The following MARF1 variants were observed in gnomAD, a reference collection of about 807,000 sequenced individuals.
The protein encoded by MARF1 is meiosis regulator and mRNA stability factor 1.
MARF1 carries 24 observed loss-of-function variants against 168.2 expected under a neutral mutation model. That is an observed-to-expected ratio of 0.14 (90% CI 0.10 to 0.20). The LOEUF (loss-of-function observed/expected upper bound fraction) is 0.20. MARF1 is among the 10% of genes least tolerant of loss of function. MARF1 has a pLI of 1.00. For synonymous variants in MARF1, 868 were observed against 822.4 expected, an observed-to-expected ratio of 1.06 and a Z score of -0.95; for missense variants, 1,744 against 2,143.6, an observed-to-expected ratio of 0.81 and a Z score of 3.68.
intron 11 of MARF1, 91 bp from the exon 12 acceptor site, chr16:15,622,002 T>C: frequency 8.4e-7 from 1 of 1,187,982 alleles, no homozygotes; most frequent in Non-Finnish European, 1.2e-6. Flanking sequence ...AACACATTTG[T>C]CGACTGCAGC....
At chr16:15,604,106 A>C in intron 22 of MARF1, 62 bp downstream of exon 22, 17 of 1,223,232 alleles carry the variant, frequency 1.4e-5, no homozygotes, top group African/African-American at 3.0e-5. Flanking sequence ...CCATCAGGTA[A>C]TCCGGAAATG....
At chr16:15,614,208 T>C (rs929148815) in intron 16 of MARF1, among the ~76,000 whole-genome samples, 31 of 151,912 alleles carry the variant, frequency 2.0e-4, no homozygotes, top group Admixed American at 1.2e-3. Context: ...TTCGGCCAGG[T>C]GCGGTGGCTC....
intron 7 of MARF1, among the ~76,000 whole-genome samples, chr16:15,628,373 T>A (rs1369508287): frequency 6.6e-6 from 1 of 152,092 alleles, no homozygotes; most frequent in African/African-American, 2.4e-5. Context: ...GTTTTGTTTG[T>A]TTTTACAATG....
intron 2 of MARF1, among the ~76,000 whole-genome samples, chr16:15,638,641 T>C (rs1385724362): frequency 6.6e-6 from 1 of 151,128 alleles, no homozygotes; most frequent in Non-Finnish European, 1.5e-5. Flanking sequence ...GTTAGAGACA[T>C]AAATGTATAC....
intron 23 of MARF1, chr16:15,600,915 A>G (rs2032356355): frequency 2.8e-6 from 2 of 702,630 alleles, no homozygotes; most frequent in Admixed American, 2.0e-5. Flanking sequence ...TAGTTCAAAA[A>G]TCATGAGACA....
rs1427557099 is a variant in MARF1, at chr16:15,639,135, A to G, written c.99T>C (p.Asn33=). The change falls in exon 2 of 27, where the codon AAT becomes AAC. Residue 33 remains asparagine, a synonymous_variant. Coordinates refer to ENST00000396368, the MANE Select transcript of MARF1 (RefSeq NM_014647.4). ...GCGTCTGCTCAGGACGAGAAAAGCA[A>G]TTAGAGAATTTCCAAAGCCATGGCT... ...DAKPWLWKFS[N]CFSRPEQTLP... 3.7e-6 allele frequency: 6 copies of G among 1,614,102 alleles called. No individual in the cohort carries two copies. Among genetic ancestry groups the G allele is most frequent in the Non-Finnish European group, 5.1e-6 (6 of 1,180,042 alleles).
At position 15,633,601 on chromosome 16, in the gene MARF1, A is replaced by C. The variant is rs761915227; in HGVS notation, c.1233+16T>G. The C allele has an allele frequency of 7.0e-7, 1 of 1,420,472 alleles. No individual in the cohort carries two copies. The allele number at this position is 1,420,472 out of a possible 1,614,324, so 88.0% of individuals were successfully genotyped here. On this transcript the variant is annotated intron_variant, in intron 5 of 26. Transcript: ENST00000396368. ...CCTCTACTGTAGATTAAAATTATTAAATTTTTTTTTTTTACCTGGCAATTA... is the reference window on the plus strand; with the variant it reads ...CCTCTACTGTAGATTAAAATTATTACATTTTTTTTTTTTACCTGGCAATTA...
intron 7 of MARF1, 148 bp downstream of exon 7, chr16:15,630,184 G>A (rs1049568560): frequency 7.7e-5 from 42 of 548,662 alleles, no homozygotes; most frequent in Non-Finnish European, 1.1e-4. Flanking sequence ...GAGAAGAACC[G>A]AAGGTTTCTA....
intron 21 of MARF1, among the ~76,000 whole-genome samples, chr16:15,606,845 T>C (rs1225137627): frequency 6.6e-6 from 1 of 152,136 alleles, no homozygotes; most frequent in East Asian, 1.9e-4. Context: ...AAATCCTCCC[T>C]TGCTCCCTCA....
In MARF1 at chr16:15,604,176, A is replaced by C; in HGVS notation, c.4405T>G (p.Leu1469Val). The change falls in exon 22 of 27, where the codon TTG (leucine) becomes GTG (valine). Residue 1469 changes from leucine (L) to valine (V), a missense_variant. Transcript: ENST00000396368. ...GCCATTAACGTGCCTACCTCAACCA[A>C]GTATGGCAGGCTCTTCAGCAGTTCG... ...LTELLKSLPY[L>V]VEVFTNDKME... 6.2e-7 allele frequency: 1 copy of C among 1,612,382 alleles called. No individual in the cohort carries two copies. The highest frequency in any genetic ancestry group is 8.5e-7 in the Non-Finnish European group (1 of 1,178,406).
In MARF1 at chr16:15,602,186, C is replaced by T. The variant is rs2032506607; in HGVS notation, c.4431G>A (p.Lys1477=). Residue 1477 remains lysine (K), a synonymous_variant, in exon 23 of 27, where the codon AAG becomes AAA. Coordinates refer to ENST00000396368, the MANE Select transcript of MARF1 (RefSeq NM_014647.4). The part of the protein sequence containing the change: ...PYLVEVFTND[K]MEECVKLTSL... ...TTGTGAGCTTCACACATTCTTCCAT[C>T]TTATCATTAGTGAAAACCTGGTTAA... is the stretch of plus-strand genomic sequence containing the variant. The T allele has an allele frequency of 1.2e-6, 2 of 1,613,942 alleles. No homozygotes were observed. Among genetic ancestry groups the T allele is most frequent in the African/African-American group, 1.3e-5 (1 of 74,920 alleles).
intron 22 of MARF1, chr16:15,602,446 CGAA>C (rs2032545944): frequency 6.6e-6 from 4 of 602,580 alleles, no homozygotes; most frequent in Non-Finnish European, 8.7e-6. Context: ...GAGACAAAAA[CGAA>C]GATAAAGACG....
intron 23 of MARF1, chr16:15,601,294 C>G (rs773901345): frequency 5.6e-6 from 2 of 358,338 alleles, no homozygotes; most frequent in Non-Finnish European, 5.5e-6. Flanking sequence ...CTGGCTCAAT[C>G]CCTCCATCTA....
At chr16:15,613,649 G>A (rs530830528) in intron 16 of MARF1, among the ~76,000 whole-genome samples, 2 of 60,632 alleles carry the variant, frequency 3.3e-5, no homozygotes, top group Admixed American at 1.9e-4. Flanking sequence ...GACACAGAGC[G>A]AGATTCCGTC....
Position 15,600,486 on chromosome 16 carries a change from G to C in MARF1, c.4755C>G (p.Ile1585Met). ...CTGTGTGCGATTCGGGCACCTCCAG[G>C]ATGCGCTCGCCCTCCGAGGGCTGGT... ...HENQPSEGERILEVPESHTAS... is the reference protein window; with the variant it reads ...HENQPSEGERMLEVPESHTAS... Residue 1585 changes from isoleucine to methionine, a missense_variant, in exon 25 of 27, where the codon ATC (isoleucine) becomes ATG (methionine). Physicochemically the swap from Ile to Met is conservative, Grantham distance 10. This residue lies in a region of MARF1 where 313 missense variants were observed against 337.4 expected (regional missense o/e 0.93). Transcript: ENST00000396368. 1 of 1,614,176 alleles carries C rather than the reference G, an allele frequency of 6.2e-7. No individual in the cohort carries two copies. Among genetic ancestry groups the C allele is most frequent in the Non-Finnish European group, 8.5e-7 (1 of 1,180,038 alleles).
intron 23 of MARF1, 131 bp from the exon 24 acceptor site, chr16:15,600,832 A>G: frequency 1.1e-6 from 1 of 889,580 alleles, no homozygotes; most frequent in Non-Finnish European, 1.9e-6. Flanking sequence ...GCCAAGAAGC[A>G]TGTTTCTCTA....
rs1289312010 is a variant in MARF1, at chr16:15,594,622, A to C, written c.*2071T>G. 1 of 152,636 alleles carries C rather than the reference A, an allele frequency of 6.6e-6. No homozygotes were observed. Among genetic ancestry groups the C allele is most frequent in the Admixed American group, 6.5e-5 (1 of 15,272 alleles). 9.5% of individuals were successfully genotyped at this position (152,636 alleles called of 1,614,324 possible). ...TATATCTTTCCACCCAGAAATAAAG[A>C]ATTACATTGTCTTAATGCTCAAACA... is the stretch of plus-strand genomic sequence containing the variant. On this transcript the variant is annotated 3_prime_UTR_variant, in exon 27 of 27. Transcript: ENST00000396368.
In MARF1 at chr16:15,624,826, T is replaced by G; in HGVS notation, c.2213A>C (p.Lys738Thr). 6.2e-7 allele frequency: 1 copy of G among 1,614,180 alleles called. No individual in the cohort carries two copies. The highest frequency in any genetic ancestry group is 8.5e-7 in the Non-Finnish European group (1 of 1,180,022). ...ACTGACTTGCCTGGATGCAACTAAC[T>G]TGCTAAAAGCAGACGGGTAACTCAC... ...FQVSYPSAFS[K>T]LVASRQVSPL... The change falls in exon 10 of 27, where the codon AAG becomes ACG. Residue 738 changes from lysine (K) to threonine (T), a missense_variant. Coordinates refer to ENST00000396368, the MANE Select transcript of MARF1 (RefSeq NM_014647.4).
intron 5 of MARF1, among the ~76,000 whole-genome samples, chr16:15,632,159 T>C (rs1314144450): frequency 1.3e-5 from 2 of 152,226 alleles, no homozygotes; most frequent in Admixed American, 1.3e-4. Context: ...TCTTCTGTTT[T>C]TGCATTTCTT....
Sources: allele counts gnomAD v4.1 joint callset (sites outside exome capture counted in the v4.1 genomes callset), GRCh38; gene constraint gnomAD v4.1.1; regional missense constraint gnomAD v4.1.1; transcripts MANE v1.5; gene names NCBI Gene and HGNC (gene_info 2026-07-23, HGNC 2026-07-21).